Variants in CTNND2 observed in about 807,000 individuals in gnomAD.
CTNND2 encodes the protein catenin delta 2.
CTNND2 carries 22 observed loss-of-function variants against 144.4 expected under a neutral mutation model. The ratio of observed to expected loss-of-function variants is 0.15; its 90% CI spans 0.11 to 0.22. The LOEUF (loss-of-function observed/expected upper bound fraction) is 0.22, where lower values mean the gene tolerates loss of function less well. Ranked by LOEUF, CTNND2 falls within the 10% of genes least tolerant of loss-of-function variation. CTNND2 has a pLI of 1.00. For synonymous variants in CTNND2, 751 were observed against 695.6 expected (o/e 1.08, Z -1.25); for missense variants, 1,353 against 1,618.8 (o/e 0.84, Z 2.82).
chr5:11,323,925 A>G (rs171813), intron 9 of CTNND2, among the ~76,000 whole-genome samples: 97,626 of 151,808 alleles, frequency 0.64, 32,037 homozygotes, highest in East Asian at 0.79. Flanking sequence ...ATGGGGAATC[A>G]CCCTTGCTTT....
intron 1 of CTNND2, among the ~76,000 whole-genome samples, chr5:11,863,885 T>A (rs1237066780): frequency 6.6e-6 from 1 of 152,182 alleles, no homozygotes; most frequent in Non-Finnish European, 1.5e-5. Flanking sequence ...ACAAAATAGA[T>A]ATAATAGATA....
intron 1 of CTNND2, among the ~76,000 whole-genome samples, chr5:11,842,016 C>T (rs1243869059): frequency 6.6e-6 from 1 of 151,968 alleles, no homozygotes; most frequent in Non-Finnish European, 1.5e-5. Context: ...TATTTCTAAG[C>T]ATCAGCAAGG....
intron 3 of CTNND2, among the ~76,000 whole-genome samples, chr5:11,552,168 A>G (rs533991093): frequency 1.2e-4 from 19 of 152,304 alleles, no homozygotes; most frequent in African/African-American, 4.3e-4. Context: ...ACCCTTGGGA[A>G]TACTACATAA....
chr5:11,204,587 C>G (rs933533553), intron 10 of CTNND2, among the ~76,000 whole-genome samples: 2 of 151,924 alleles, frequency 1.3e-5, no homozygotes, highest in Non-Finnish European at 2.9e-5. Flanking sequence ...TTACTCTTAA[C>G]ATAATCTGCA....
At position 11,181,980 on chromosome 5, in the gene CTNND2, T is replaced by C. The variant is rs374016792; in HGVS notation, c.1975+17468A>G. 1.1e-4 allele frequency among the ~76,000 whole-genome samples: 14 copies of C among 131,582 alleles called. No individual in the cohort carries two copies. The East Asian group carries it at 1.2e-3, about 11-fold the overall frequency. 86.3% of individuals were successfully genotyped at this position (131,582 alleles called of 152,430 possible). ...TGGTATCTGTGTAGTATGTGTGTGG[T>C]GTGTGTGTAGTATGTGTGTGGTGTG... On this transcript the variant is annotated intron_variant, in intron 11 of 21. Coordinates refer to ENST00000304623, the MANE Select transcript of CTNND2 (RefSeq NM_001332.4).
chr5:11,316,742 T>A (rs1056363916), intron 9 of CTNND2, among the ~76,000 whole-genome samples: 5 of 150,926 alleles, frequency 3.3e-5, no homozygotes, highest in Non-Finnish European at 7.4e-5. Context: ...ACATGCAGTG[T>A]TTGGTTTTTT....
At chr5:11,026,685 A>G (rs1256718280) in intron 16 of CTNND2, among the ~76,000 whole-genome samples, 1 of 152,162 alleles carries the variant, frequency 6.6e-6, no homozygotes, top group African/African-American at 2.4e-5. Flanking sequence ...TAATTTGATT[A>G]AAAGATATGA....
chr5:11,589,154 T>C, intron 2 of CTNND2: 1 of 453,352 alleles, frequency 2.2e-6, no homozygotes, highest in Non-Finnish European at 2.9e-6. Context: ...CCATTGGCAT[T>C]ATTTATGCAA....
At chr5:11,717,347 G>A (rs1364517054) in intron 2 of CTNND2, among the ~76,000 whole-genome samples, 1 of 151,772 alleles carries the variant, frequency 6.6e-6, no homozygotes, top group Non-Finnish European at 1.5e-5. Flanking sequence ...GCTGAGGCAG[G>A]TGGATCACCT....
intron 1 of CTNND2, among the ~76,000 whole-genome samples, chr5:11,780,118 C>T (rs981554890): frequency 3.3e-5 from 5 of 152,132 alleles, no homozygotes; most frequent in Admixed American, 2.0e-4. Flanking sequence ...GTATCTACTG[C>T]AGACAGTAGT....
intron 9 of CTNND2, among the ~76,000 whole-genome samples, chr5:11,281,599 G>A (rs142564562): frequency 6.6e-6 from 1 of 152,332 alleles, no homozygotes. Context: ...AAACAACATA[G>A]ATTTGTTTCC....
In CTNND2 at chr5:11,264,099, C is replaced by T. The variant is rs2051752; in HGVS notation, c.1629-27276G>A. 3.3e-3 allele frequency among the ~76,000 whole-genome samples: 498 copies of T among 152,236 alleles called. 2 individuals are homozygous for T. The highest frequency in any genetic ancestry group is 0.011 in the African/African-American group (476 of 41,534). On this transcript the variant is annotated intron_variant, in intron 9 of 21. Transcript: ENST00000304623. Reference sequence around the variant, plus strand: ...TTCTTAGTTCTGGCCATCAGAATGACCAATTAACTGAAATACTTATTTCAA... The same window carrying T: ...TTCTTAGTTCTGGCCATCAGAATGATCAATTAACTGAAATACTTATTTCAA...
intron 1 of CTNND2, among the ~76,000 whole-genome samples, chr5:11,757,886 T>G (rs2126799188): frequency 6.6e-6 from 1 of 152,084 alleles, no homozygotes; most frequent in African/African-American, 2.4e-5. Flanking sequence ...ACTTTTAACT[T>G]CATTTCACAA....
intron 2 of CTNND2, among the ~76,000 whole-genome samples, chr5:11,662,203 ATG>A (rs1206113213): frequency 1.4e-5 from 2 of 139,070 alleles, no homozygotes; most frequent in African/African-American, 2.9e-5. Flanking sequence ...ATGTGTATAT[ATG>A]TATATATATA....
chr5:11,240,802 A>C, intron 9 of CTNND2, among the ~76,000 whole-genome samples: 1 of 134,156 alleles, frequency 7.5e-6, no homozygotes, highest in African/African-American at 2.9e-5. Flanking sequence ...ACCCCCACAC[A>C]CCCAACACAC....
At chr5:11,223,206 T>C (rs1452603415) in intron 10 of CTNND2, among the ~76,000 whole-genome samples, 1 of 152,110 alleles carries the variant, frequency 6.6e-6, no homozygotes, top group Non-Finnish European at 1.5e-5. Context: ...CACGTCTAAA[T>C]CCCTCCATCA....
intron 8 of CTNND2, among the ~76,000 whole-genome samples, chr5:11,347,287 G>A (rs565311755): frequency 2.0e-4 from 30 of 152,276 alleles, no homozygotes; most frequent in Non-Finnish European, 1.5e-4. Context: ...TTGGTGAAGG[G>A]AGAATAAGGC....
In CTNND2 at chr5:11,732,172, T is replaced by A. The variant is rs1455544350; in HGVS notation, c.138A>T (p.Glu46Asp). The change falls in exon 2 of 22, where the codon GAA (glutamate) becomes GAT (aspartate). Residue 46 changes from glutamate (E) to aspartate (D), a missense_variant. Physicochemically the swap from Glu to Asp is conservative, Grantham distance 45. Around this residue, in one of 4 missense-constraint regions of CTNND2, gnomAD observed 708 missense variants for 706.4 expected, o/e 1.00. Transcript: ENST00000304623. ...NTSNGDGSET[E>D]TTSAILASVK... Reference sequence around the variant, plus strand: ...CTGAGGCGAGGATGGCAGAGGTGGTTTCTGTTTCAGAGCCATCCCCGTTGG... The same window carrying A: ...CTGAGGCGAGGATGGCAGAGGTGGTATCTGTTTCAGAGCCATCCCCGTTGG... The A allele has an allele frequency of 1.2e-6, 2 of 1,613,796 alleles. No homozygotes were observed. The highest frequency in any genetic ancestry group is 1.3e-5 in the African/African-American group (1 of 74,898).
intron 12 of CTNND2, among the ~76,000 whole-genome samples, chr5:11,153,847 C>T (rs1757975017): frequency 6.6e-6 from 1 of 152,174 alleles, no homozygotes; most frequent in Non-Finnish European, 1.5e-5. Context: ...GCCAGCCAGC[C>T]TTATGCACAT....
Sources: allele counts gnomAD v4.1 joint callset (sites outside exome capture counted in the v4.1 genomes callset), GRCh38; gene constraint gnomAD v4.1.1; regional missense constraint gnomAD v4.1.1; transcripts MANE v1.5; gene names NCBI Gene and HGNC (gene_info 2026-07-23, HGNC 2026-07-21).